RGS7: variants seen among roughly 807,000 people sequenced by gnomAD.
The protein encoded by RGS7 is regulator of G-protein signaling 7.
A neutral mutation model predicts 81.1 loss-of-function variants in RGS7; 27 were observed. That is an observed-to-expected ratio of 0.33 (90% CI 0.25 to 0.46). The LOEUF (loss-of-function observed/expected upper bound fraction) is 0.46, where lower values mean the gene tolerates loss of function less well. RGS7 is among the 20% of genes least tolerant of loss of function. RGS7 has a pLI of 1.00. For missense variants in RGS7, 396 were observed against 607.4 expected (o/e 0.65, Z 3.66); for synonymous variants, 208 against 207.7 (o/e 1.00, Z -0.01).
intron 2 of RGS7, among the ~76,000 whole-genome samples, chr1:241,332,253 C>T (rs1176641580): frequency 1.3e-5 from 2 of 151,976 alleles, no homozygotes; most frequent in Non-Finnish European, 2.9e-5. Flanking sequence ...CATCATGTGA[C>T]ATATGATTAA....
intron 2 of RGS7, among the ~76,000 whole-genome samples, chr1:241,221,206 GAA>G (rs1364983698): frequency 3.3e-5 from 5 of 151,940 alleles, no homozygotes; most frequent in African/African-American, 9.7e-5. Context: ...GAGAAAGAAA[GAA>G]AAAGAGACAT....
intron 2 of RGS7, among the ~76,000 whole-genome samples, chr1:241,297,196 TG>T: frequency 6.6e-6 from 1 of 152,202 alleles, no homozygotes; most frequent in Admixed American, 6.5e-5. Context: ...AATCAGGGTC[TG>T]GCCCATAGAA....
intron 2 of RGS7, among the ~76,000 whole-genome samples, chr1:241,233,669 G>C (rs757385557): frequency 5.3e-4 from 81 of 152,110 alleles, no homozygotes; most frequent in Non-Finnish European, 1.1e-3. Context: ...TCCACATTTT[G>C]GCTATTGTGA....
intron 2 of RGS7, among the ~76,000 whole-genome samples, chr1:241,110,865 A>G (rs1178665784): frequency 6.6e-6 from 1 of 151,880 alleles, no homozygotes; most frequent in Non-Finnish European, 1.5e-5. Flanking sequence ...TTGTATTTTT[A>G]GTAGAGATGG....
At chr1:240,979,976 A>G in intron 4 of RGS7, among the ~76,000 whole-genome samples, 1 of 152,242 alleles carries the variant, frequency 6.6e-6, no homozygotes, top group Non-Finnish European at 1.5e-5. Flanking sequence ...CTAGAAAGAT[A>G]TATTTTATAA....
At chr1:241,347,926 T>C (rs2148726210) in intron 2 of RGS7, among the ~76,000 whole-genome samples, 1 of 152,376 alleles carries the variant, frequency 6.6e-6, no homozygotes, top group South Asian at 2.1e-4. Flanking sequence ...TGTTGAACTC[T>C]ACTTTGTTTT....
chr1:241,000,813 AATTT>A (rs1193168713), intron 3 of RGS7, among the ~76,000 whole-genome samples: 4 of 64,550 alleles, frequency 6.2e-5, no homozygotes, highest in African/African-American at 1.9e-4. Context: ...ACACCCAGCT[AATTT>A]TTTTTTTTTT....
At chr1:241,352,155 G>A (rs957890494) in intron 2 of RGS7, among the ~76,000 whole-genome samples, 2 of 152,258 alleles carry the variant, frequency 1.3e-5, no homozygotes, top group Admixed American at 1.3e-4. Context: ...ACCAAAAACG[G>A]GGGTAGTGTT....
At chr1:240,797,179 TCA>T (rs567306546) in intron 18 of RGS7, among the ~76,000 whole-genome samples, 94 of 152,264 alleles carry the variant, frequency 6.2e-4, no homozygotes, top group Non-Finnish European at 1.1e-3. Context: ...CTGATATTGT[TCA>T]CACAAAGACA....
Position 241,053,318 on chromosome 1 carries a change from G to A in RGS7, c.175+45348C>T, listed in dbSNP as rs139823201. On this transcript the variant is annotated intron_variant, in intron 3 of 18. Coordinates refer to ENST00000440928, the MANE Select transcript of RGS7 (RefSeq NM_001364886.1). The stretch of plus-strand genomic sequence containing the variant: ...GCTGTAGGGCAAGCAGGCCCTTACA[G>A]GCCTTGCACTCTTTATCGTGGCCTT... 3.4e-3 allele frequency among the ~76,000 whole-genome samples: 514 copies of A among 152,282 alleles called. 1 individual carries two copies. The highest frequency in any genetic ancestry group is 0.011 in the African/African-American group (474 of 41,550).
chr1:241,265,003 C>T (rs1418854341), intron 2 of RGS7, among the ~76,000 whole-genome samples: 1 of 152,236 alleles, frequency 6.6e-6, no homozygotes, highest in Non-Finnish European at 1.5e-5. Flanking sequence ...GGCCCAGTTT[C>T]TGCTTTTCTC....
intron 3 of RGS7, among the ~76,000 whole-genome samples, chr1:241,018,608 G>T (rs539253482): frequency 3.8e-4 from 58 of 152,082 alleles, no homozygotes; most frequent in African/African-American, 1.3e-3. Flanking sequence ...GTAATACATT[G>T]TTACTATACT....
chr1:240,894,459 T>C (rs1240091384), intron 6 of RGS7, among the ~76,000 whole-genome samples: 1 of 152,170 alleles, frequency 6.6e-6, no homozygotes, highest in Non-Finnish European at 1.5e-5. Context: ...ACTCTATGTG[T>C]TTTAACCTCT....
intron 3 of RGS7, among the ~76,000 whole-genome samples, chr1:241,000,440 T>C (rs972640262): frequency 1.3e-4 from 20 of 152,174 alleles, no homozygotes; most frequent in Non-Finnish European, 2.6e-4. Flanking sequence ...GTATTAATTA[T>C]CCCTTAATAG....
At chr1:241,251,435 CT>C (rs1213513586) in intron 2 of RGS7, among the ~76,000 whole-genome samples, 1 of 152,132 alleles carries the variant, frequency 6.6e-6, no homozygotes, top group African/African-American at 2.4e-5. Flanking sequence ...GAGTTAAGCA[CT>C]TGAAGTTTGC....
chr1:241,270,821 C>G, intron 2 of RGS7, among the ~76,000 whole-genome samples: 1 of 150,662 alleles, frequency 6.6e-6, no homozygotes, highest in Non-Finnish European at 1.5e-5. Context: ...CCAGTTGGCG[C>G]CATCTTGGTT....
chr1:241,227,648 G>A (rs1400330714), intron 2 of RGS7, among the ~76,000 whole-genome samples: 1 of 151,450 alleles, frequency 6.6e-6, no homozygotes, highest in Non-Finnish European at 1.5e-5. Flanking sequence ...TGAGATGGGA[G>A]GTTTGCTTGA....
intron 6 of RGS7, among the ~76,000 whole-genome samples, chr1:240,903,965 AC>A (rs1670424380): frequency 6.6e-6 from 1 of 152,188 alleles, no homozygotes; most frequent in Non-Finnish European, 1.5e-5. Flanking sequence ...AGTCTGCAGA[AC>A]TGTGAGCCAA....
chr1:241,270,384 G>A (rs2077813268), intron 2 of RGS7, among the ~76,000 whole-genome samples: 1 of 152,088 alleles, frequency 6.6e-6, no homozygotes, highest in Non-Finnish European at 1.5e-5. Flanking sequence ...ATTTACCTTG[G>A]GATGCAGAAA....
Sources: allele counts gnomAD v4.1 joint callset (sites outside exome capture counted in the v4.1 genomes callset), GRCh38; gene constraint gnomAD v4.1.1; transcripts MANE v1.5; gene names NCBI Gene and HGNC (gene_info 2026-07-23, HGNC 2026-07-21).